KDM6A: variants seen among roughly 807,000 people sequenced by gnomAD.
KDM6A encodes the protein lysine-specific demethylase 6A.
KDM6A carries 11 observed loss-of-function variants against 117.6 expected under a neutral mutation model. The observed-to-expected ratio is 0.09, with a 90% CI of 0.06 to 0.15. The LOEUF is 0.15. KDM6A is among the 10% of genes least tolerant of loss of function. The pLI is 1.00. For synonymous variants in KDM6A, 384 were observed against 396.1 expected (o/e 0.97, Z 0.36); for missense variants, 799 against 1,077.3 (o/e 0.74, Z 3.62).
At chrX:44,972,418 T>C (rs2039397954) in intron 3 of KDM6A, among the ~76,000 whole-genome samples, 1 of 110,729 alleles carries the variant, frequency 9.0e-6, no homozygotes, top group Non-Finnish European at 1.9e-5. Flanking sequence ...AATCCACTGA[T>C]AAAAGTATCC....
intron 27 of KDM6A, among the ~76,000 whole-genome samples, chrX:45,100,169 A>C (rs1024107709): frequency 8.9e-6 from 1 of 111,915 alleles, no homozygotes; most frequent in Non-Finnish European, 1.9e-5. Context: ...AGACTCATAC[A>C]TTCCTTGTTT....
In KDM6A at chrX:44,881,907, C is replaced by G. The variant is rs1159517057; in HGVS notation, c.225+7920C>G. ...TTCACTGTGTTCGCCAGGCTGGTCTCCAACTCCTGACCTCAGTTGATCCCC... is the reference window on the plus strand; with the variant it reads ...TTCACTGTGTTCGCCAGGCTGGTCTGCAACTCCTGACCTCAGTTGATCCCC... On this transcript the variant is annotated intron_variant, in intron 2 of 29. Coordinates refer to ENST00000611820, the MANE Select transcript of KDM6A (RefSeq NM_001291415.2). Among the ~76,000 whole-genome samples, 3 of 110,374 alleles carry G rather than the reference C, an allele frequency of 2.7e-5. No individual in the cohort carries two copies. The Admixed American group carries it at 2.9e-4, about 11-fold the overall frequency.
At chrX:45,019,333 C>T (rs767716139) in intron 5 of KDM6A, among the ~76,000 whole-genome samples, 2 of 111,746 alleles carry the variant, frequency 1.8e-5, no homozygotes, top group Non-Finnish European at 3.8e-5. Context: ...GAAGAAAGTA[C>T]TGTCATAATC....
chrX:44,985,020 G>T (rs1293616607), intron 4 of KDM6A, among the ~76,000 whole-genome samples: 13 of 109,604 alleles, frequency 1.2e-4, no homozygotes, highest in Non-Finnish European at 2.1e-4. Context: ...CCATTTTCAC[G>T]ATATTGATTC....
chrX:44,954,246 G>A (rs975558543), intron 2 of KDM6A, among the ~76,000 whole-genome samples: 15 of 110,615 alleles, frequency 1.4e-4, no homozygotes, highest in African/African-American at 4.6e-4. Context: ...CCGAATACCC[G>A]CAAACAGGAA....
Position 45,010,993 on chromosome X carries a change from C to A in KDM6A, c.417C>A (p.Val139=). 2.5e-6 allele frequency: 3 copies of A among 1,201,846 alleles called. No individual in the cohort carries two copies. The East Asian group carries it at 8.9e-5, about 36-fold the overall frequency. The part of the protein sequence containing the change: ...NAAFLYGLGL[V]YFHYNAFQWA... ...CCTTTTTATATGGTCTTGGTTTGGT[C>A]TACTTCCATTATAATGCATTTCAGT... The change falls in exon 5 of 30, where the codon GTC becomes GTA. Residue 139 remains valine (V), a synonymous_variant. Coordinates refer to ENST00000611820, the MANE Select transcript of KDM6A (RefSeq NM_001291415.2).
At chrX:44,908,235 A>G (rs2034854100) in intron 2 of KDM6A, among the ~76,000 whole-genome samples, 1 of 110,853 alleles carries the variant, frequency 9.0e-6, no homozygotes, top group Non-Finnish European at 1.9e-5. Context: ...TAATTTATGG[A>G]CCTGCTTTGT....
Position 44,903,915 on chromosome X carries a change from A to T in KDM6A, c.225+29928A>T, listed in dbSNP as rs1470172295. On this transcript the variant is annotated intron_variant, in intron 2 of 29. Transcript: ENST00000611820. Reference sequence around the variant, plus strand: ...GTTTACTTGAGGTCATGTTTATAATAGCTGACTTTTAAAGTTTTGTCTAGT... The same window carrying T: ...GTTTACTTGAGGTCATGTTTATAATTGCTGACTTTTAAAGTTTTGTCTAGT... Among the ~76,000 whole-genome samples, 5 of 112,001 alleles carry T rather than the reference A, an allele frequency of 4.5e-5. No homozygotes were observed. The East Asian group carries it at 1.4e-3, about 31-fold the overall frequency.
rs1043129268 is a variant in KDM6A at position 45,079,596 on chromosome X, C to T, written c.3300+245C>T. 1.3e-4 allele frequency among the ~76,000 whole-genome samples: 14 copies of T among 111,732 alleles called. No individual in the cohort carries two copies. The South Asian group carries it at 1.8e-3, about 15-fold the overall frequency. ...TCTCCATCTGTCGCCTAGGCTAGAG[C>T]GCAGTGGCACGATCTTGGCTCACTG... On this transcript the variant is annotated intron_variant, in intron 21 of 29. Coordinates refer to ENST00000611820, the MANE Select transcript of KDM6A (RefSeq NM_001291415.2).
intron 3 of KDM6A, among the ~76,000 whole-genome samples, chrX:44,967,064 G>T (rs1385744856): frequency 9.0e-6 from 1 of 110,585 alleles, no homozygotes; most frequent in African/African-American, 3.3e-5. Flanking sequence ...TAGAGACGGG[G>T]TTTCACTGTG....
At chrX:44,886,328 G>A (rs2146556834) in intron 2 of KDM6A, among the ~76,000 whole-genome samples, 1 of 110,624 alleles carries the variant, frequency 9.0e-6, no homozygotes, top group African/African-American at 3.3e-5. Flanking sequence ...GATTACAGGC[G>A]TGAGCCACTG....
chrX:44,930,496 C>T (rs1044336230), intron 2 of KDM6A, among the ~76,000 whole-genome samples: 6 of 111,598 alleles, frequency 5.4e-5, no homozygotes, highest in African/African-American at 1.6e-4. Flanking sequence ...AGGAACTCTA[C>T]CTTTTTACAT....
intron 2 of KDM6A, among the ~76,000 whole-genome samples, chrX:44,943,213 A>G (rs754705079): frequency 4.5e-5 from 5 of 111,606 alleles, no homozygotes; most frequent in Non-Finnish European, 9.4e-5. Context: ...CAAATATTGC[A>G]GTACAGTGAG....
intron 2 of KDM6A, among the ~76,000 whole-genome samples, chrX:44,922,569 A>G (rs757326236): frequency 4.5e-5 from 5 of 111,538 alleles, no homozygotes; most frequent in African/African-American, 9.8e-5. Flanking sequence ...CCCGCGTTCA[A>G]GTGATTCTTA....
chrX:44,939,585 G>T (rs1175436390), intron 2 of KDM6A, among the ~76,000 whole-genome samples: 1 of 112,369 alleles, frequency 8.9e-6, no homozygotes, highest in Non-Finnish European at 1.9e-5. Context: ...TGTAAACTTA[G>T]TTAACAGAGT....
At chrX:44,939,120 G>T (rs765419651) in intron 2 of KDM6A, among the ~76,000 whole-genome samples, 1 of 112,419 alleles carries the variant, frequency 8.9e-6, no homozygotes, top group African/African-American at 3.2e-5. Flanking sequence ...TGACTTTCAA[G>T]TCTTATTATT....
chrX:44,981,644 T>A (rs73490918), intron 4 of KDM6A, among the ~76,000 whole-genome samples: 2 of 111,628 alleles, frequency 1.8e-5, no homozygotes, highest in African/African-American at 6.5e-5. Flanking sequence ...GTCCCAACGT[T>A]CTAATCATGC....
intron 1 of KDM6A, 66 bp downstream of exon 1, chrX:44,873,778 G>C: frequency 1.7e-6 from 2 of 1,152,310 alleles, no homozygotes; most frequent in Non-Finnish European, 2.3e-6. Flanking sequence ...CGGGAGGACC[G>C]AGCGCGGCTT....
intron 27 of KDM6A, among the ~76,000 whole-genome samples, chrX:45,098,377 GAC>G (rs1161986936): frequency 6.2e-5 from 7 of 112,905 alleles, no homozygotes. Context: ...CAAAAGGAGA[GAC>G]AAAGATTAGA....
Sources: allele counts gnomAD v4.1 joint callset (sites outside exome capture counted in the v4.1 genomes callset), GRCh38; gene constraint gnomAD v4.1.1; transcripts MANE v1.5; gene names NCBI Gene and HGNC (gene_info 2026-07-23, HGNC 2026-07-21).